ZNF215: variants seen among roughly 807,000 people sequenced by gnomAD.
The protein encoded by ZNF215 is zinc finger protein 215.
ZNF215 carries 24 observed loss-of-function variants against 27.2 expected under a neutral mutation model. That is an observed-to-expected ratio of 0.88 (90% confidence interval 0.64 to 1.24). The LOEUF (loss-of-function observed/expected upper bound fraction) is 1.24. Ranked by LOEUF, ZNF215 falls within the 50% of genes most tolerant of loss-of-function variation. The pLI is 0.00. For synonymous variants in ZNF215, 210 were observed against 204.0 expected, an observed-to-expected ratio of 1.03 and a Z score of -0.25; for missense variants, 675 against 605.7, an observed-to-expected ratio of 1.11 and a Z score of -1.20.
intron 5 of ZNF215, among the ~76,000 whole-genome samples, chr11:6,979,563 G>T (rs1205192720): frequency 6.6e-6 from 1 of 151,942 alleles, no homozygotes; most frequent in Non-Finnish European, 1.5e-5. Flanking sequence ...ACTATTTTAG[G>T]AACAGTAATG....
chr11:6,944,215 G>A (rs1849736241), intron 6 of ZNF215, among the ~76,000 whole-genome samples: 1 of 152,028 alleles, frequency 6.6e-6, no homozygotes, highest in African/African-American at 2.4e-5. Flanking sequence ...GGCGGAGCTT[G>A]CAGTGAGCCA....
chr11:6,950,268 G>A, intron 6 of ZNF215, among the ~76,000 whole-genome samples: 1 of 147,820 alleles, frequency 6.8e-6, no homozygotes, highest in Non-Finnish European at 1.5e-5. Context: ...ATTCTGTGAA[G>A]AAAGTCATTG....
Position 6,974,183 on chromosome 11 carries a change from T to G in ZNF215, c.806-9946T>G, listed in dbSNP as rs548669956. On this transcript the variant is annotated intron_variant, in intron 5 of 5. Coordinates refer to the ZNF215 transcript ENST00000529903. ...TCCCCATTTCTTGTTTTTGTCAGGT[T>G]TGTCAAAGATCAGATGGTTGTAGAT... 6.8e-4 allele frequency among the ~76,000 whole-genome samples: 103 copies of G among 152,312 alleles called. 1 individual carries two copies. Among genetic ancestry groups the G allele is most frequent in the African/African-American group, 2.3e-3 (94 of 41,562 alleles).
rs563246939 is a variant in ZNF215, at chr11:6,926,733, C to T, written c.-326+48C>T. ...GGAGAGGAGCGGTGCTCACGGGTAT[C>T]GTTCTCGTCAGCGGGCGGTGGGGAC... On this transcript the variant is annotated intron_variant, in intron 1 of 6. Coordinates refer to ENST00000278319, the MANE Select transcript of ZNF215 (RefSeq NM_013250.4). 11 of 152,530 alleles carry T rather than the reference C, an allele frequency of 7.2e-5. No individual in the cohort carries two copies. In the East Asian group the frequency reaches 1.7e-3, roughly 24 times the overall value. 9.4% of individuals were successfully genotyped at this position (152,530 alleles called of 1,614,324 possible). A position where few individuals can be genotyped will look rare whatever the true frequency, so the allele number is the denominator to read the frequency against.
Position 6,957,924 on chromosome 11 carries a change from A to T in ZNF215, c.*1393A>T. On this transcript the variant is annotated 3_prime_UTR_variant, in exon 7 of 7. Transcript: ENST00000278319. ...AAGTATGACTTAATCTGCCCCAAAA[A>T]ATTCACACTGGAGACATTCCCAATT... 3.0e-6 allele frequency: 3 copies of T among 985,458 alleles called. No individual in the cohort carries two copies. The highest frequency in any genetic ancestry group is 3.6e-6 in the Non-Finnish European group (3 of 829,934). 61.0% of individuals were successfully genotyped at this position (985,458 alleles called of 1,614,324 possible).
intron 2 of ZNF215, among the ~76,000 whole-genome samples, chr11:6,928,842 C>T (rs1360048607): frequency 1.3e-5 from 2 of 152,148 alleles, no homozygotes; most frequent in Non-Finnish European, 1.5e-5. Context: ...TAAGAGCTCT[C>T]TCTTGGCTGG....
intron 4 of ZNF215, among the ~76,000 whole-genome samples, chr11:6,942,138 T>C (rs1227749660): frequency 6.6e-6 from 1 of 152,166 alleles, no homozygotes; most frequent in East Asian, 1.9e-4. Flanking sequence ...GATACTAAAA[T>C]GCACTGGAAT....
chr11:6,978,119 A>G (rs1033450135), intron 5 of ZNF215, among the ~76,000 whole-genome samples: 4 of 152,076 alleles, frequency 2.6e-5, no homozygotes, highest in African/African-American at 9.7e-5. Context: ...CATTGATATG[A>G]AATGTCGAAT....
chr11:6,951,361 C>G (rs1313745825), intron 6 of ZNF215, among the ~76,000 whole-genome samples: 1 of 152,026 alleles, frequency 6.6e-6, no homozygotes, highest in Non-Finnish European at 1.5e-5. Context: ...TCCATCTGGT[C>G]CTGGACTCTT....
downstream of ZNF215, among the ~76,000 whole-genome samples, chr11:6,959,997 T>C (rs1850481812): frequency 6.6e-6 from 1 of 152,138 alleles, no homozygotes; most frequent in Non-Finnish European, 1.5e-5. Context: ...ATATATGATA[T>C]ATGTTGATAT....
chr11:6,972,332 T>G (rs1310688736), intron 5 of ZNF215, among the ~76,000 whole-genome samples: 1 of 151,694 alleles, frequency 6.6e-6, no homozygotes, highest in African/African-American at 2.4e-5. Context: ...AGACTTTATT[T>G]ACAAAAACAG....
At chr11:6,959,351 G>C (rs1317410354), downstream of ZNF215, among the ~76,000 whole-genome samples, 1 of 152,138 alleles carries the variant, frequency 6.6e-6, no homozygotes, top group Non-Finnish European at 1.5e-5. Flanking sequence ...GACTCAAGGG[G>C]CACATCATGA....
At position 6,956,401 on chromosome 11, in the gene ZNF215, C is replaced by T. The variant is rs775066871; in HGVS notation, c.1424C>T (p.Ser475Phe). The part of the protein sequence containing the change: ...VNCGKSFNRS[S>F]SLIRHQMIHT... The stretch of plus-strand genomic sequence containing the variant: ...TGTGGAAAATCCTTCAACCGGAGCT[C>T]CTCTCTTATTCGACACCAAATGATT... The change falls in exon 7 of 7, where the codon TCC (serine) becomes TTC (phenylalanine). Residue 475 changes from serine (S) to phenylalanine (F), a missense_variant. By Grantham distance (155) the Ser-to-Phe change is radical. Transcript: ENST00000278319. The T allele has an allele frequency of 1.2e-6, 2 of 1,614,148 alleles. No homozygotes were observed. The highest frequency in any genetic ancestry group is 1.1e-5 in the South Asian group (1 of 91,080).
At chr11:6,992,098 C>G (rs1564982507), downstream of ZNF215, among the ~76,000 whole-genome samples, 1 of 152,250 alleles carries the variant, frequency 6.6e-6, no homozygotes, top group Non-Finnish European at 1.5e-5. Flanking sequence ...CAGGAAGAAT[C>G]CAGGAATTCT....
downstream of ZNF215, among the ~76,000 whole-genome samples, chr11:6,992,227 A>ACGAGCAGAAC (rs1851123946): frequency 6.6e-6 from 1 of 152,226 alleles, no homozygotes; most frequent in South Asian, 2.1e-4. Context: ...CACTGGCAAG[A>ACGAGCAGAAC]CGAGCAGAAC....
intron 5 of ZNF215, among the ~76,000 whole-genome samples, chr11:6,970,245 A>T (rs1850695022): frequency 6.6e-6 from 1 of 152,228 alleles, no homozygotes; most frequent in Admixed American, 6.5e-5. Flanking sequence ...AGTGAAATAA[A>T]AATGTAAAAA....
At chr11:6,943,756 A>T in intron 6 of ZNF215, 115 bp downstream of exon 6, 1 of 804,754 alleles carries the variant, frequency 1.2e-6, no homozygotes, top group Non-Finnish European at 2.0e-6. Context: ...CAAAACCTAA[A>T]CTTTGAGGGG....
At chr11:6,974,229 G>C (rs1850783481) in intron 5 of ZNF215, among the ~76,000 whole-genome samples, 1 of 151,826 alleles carries the variant, frequency 6.6e-6, no homozygotes, top group Non-Finnish European at 1.5e-5. Context: ...ATTTCTGAGG[G>C]CTCTGTTCTG....
intron 5 of ZNF215, among the ~76,000 whole-genome samples, chr11:6,965,582 CTTTT>C (rs1850602236): frequency 6.6e-6 from 1 of 152,030 alleles, no homozygotes; most frequent in South Asian, 2.1e-4. Context: ...TTTTTTATTT[CTTTT>C]ATCAGTCTTC....
Sources: gnomAD v4.1 joint callset for allele counts (sites outside exome capture counted in the v4.1 genomes callset) on GRCh38, gnomAD v4.1.1 for gene constraint, MANE v1.5 for transcripts, NCBI Gene and HGNC (gene_info 2026-07-23, HGNC 2026-07-21) for gene names.